GATB: variants seen among roughly 807,000 people sequenced by gnomAD.
GATB encodes glutamyl-tRNA(Gln) amidotransferase subunit B, mitochondrial.
A neutral mutation model predicts 62.3 loss-of-function variants in GATB; 39 were observed. That is an observed-to-expected ratio of 0.63 (90% CI 0.48 to 0.82). The LOEUF (loss-of-function observed/expected upper bound fraction) is 0.82, where lower values mean the gene tolerates loss of function less well. GATB is among the 40% of genes least tolerant of loss of function. The pLI is 0.00. For missense variants in GATB, 670 were observed against 684.0 expected, an observed-to-expected ratio of 0.98 and a Z score of 0.23; for synonymous variants, 276 against 258.9, an observed-to-expected ratio of 1.07 and a Z score of -0.63.
chr4:151,708,642 C>A (rs933676253), intron 5 of GATB, among the ~76,000 whole-genome samples: 2 of 152,178 alleles, frequency 1.3e-5, no homozygotes, highest in Admixed American at 1.3e-4. Flanking sequence ...GGCTTTCCCC[C>A]CTCCTCCTTC....
chr4:151,674,896 T>A (rs1737963267), intron 11 of GATB: 1 of 152,224 alleles, frequency 6.6e-6, no homozygotes, highest in Non-Finnish European at 1.5e-5. Context: ...ACGAGCAGCC[T>A]GTGCCTGGAA....
In GATB at chr4:151,716,949, C is replaced by G; in HGVS notation, c.567G>C (p.Gln189His). The G allele has an allele frequency of 6.2e-7, 1 of 1,614,188 alleles. No homozygotes were observed. Among genetic ancestry groups the G allele is most frequent in the Non-Finnish European group, 8.5e-7 (1 of 1,180,030 alleles). The stretch of plus-strand genomic sequence containing the variant: ...GGCTTTTGCCACTGTCTTGCTCCAA[C>G]TGGATCTGCTTGATCCTCACCGTCT... Reference protein sequence around the residue: ...IPKTVRIKQIQLEQDSGKSLH... With the variant: ...IPKTVRIKQIHLEQDSGKSLH... Residue 189 changes from glutamine to histidine, a missense_variant, in exon 4 of 13, where the codon CAG becomes CAC. Physicochemically the swap from Gln to His is conservative, Grantham distance 24 (BLOSUM62 0). Transcript: ENST00000263985.
At chr4:151,676,240 T>C (rs1040101296) in intron 11 of GATB, 3 of 152,268 alleles carry the variant, frequency 2.0e-5, no homozygotes, top group Non-Finnish European at 2.9e-5. Context: ...GTGCATGATA[T>C]ATAACATTTT....
rs1230232722 is a variant in GATB at position 151,730,189 on chromosome 4, G to A, written c.328-10651C>T. 1.3e-5 allele frequency among the ~76,000 whole-genome samples: 2 copies of A among 152,130 alleles called. No homozygotes were observed. Among genetic ancestry groups the A allele is most frequent in the African/African-American group, 4.8e-5 (2 of 41,408 alleles). Reference sequence around the variant, plus strand: ...CCCTGACAACCCGCATGACTCAGCAGAGGCAGCCATAAATCCTCCTAGGCA... The same window carrying A: ...CCCTGACAACCCGCATGACTCAGCAAAGGCAGCCATAAATCCTCCTAGGCA... On this transcript the variant is annotated intron_variant, in intron 2 of 12. Coordinates refer to ENST00000263985, the MANE Select transcript of GATB (RefSeq NM_004564.3). The surrounding 1 kb of genome is among the most constrained non-coding windows in gnomAD (Gnocchi z 4.1).
chr4:151,722,094 C>A (rs2126980873), intron 2 of GATB: 1 of 661,206 alleles, frequency 1.5e-6, no homozygotes, highest in Admixed American at 2.4e-5. Context: ...TAGAAGAATG[C>A]CAAGAAAAAA....
chr4:151,752,592 C>T (rs778354345), intron 2 of GATB, among the ~76,000 whole-genome samples: 3 of 152,144 alleles, frequency 2.0e-5, no homozygotes, highest in South Asian at 4.2e-4. Flanking sequence ...TCTAAGAGCT[C>T]GTTTTTATCC....
intron 1 of GATB, among the ~76,000 whole-genome samples, chr4:151,760,004 A>G (rs1179261538): frequency 6.6e-6 from 1 of 152,226 alleles, no homozygotes; most frequent in Non-Finnish European, 1.5e-5. Context: ...CCATTACATG[A>G]GAGAAAAAAT....
At chr4:151,672,917 A>G in intron 11 of GATB, 21 bp from the exon 12 acceptor site, 1 of 1,612,948 alleles carries the variant, frequency 6.2e-7, no homozygotes. Context: ...GAGAAGGGAG[A>G]GGAAAGAGAA....
chr4:151,713,164 T>C (rs997502597), intron 5 of GATB, among the ~76,000 whole-genome samples: 1 of 152,102 alleles, frequency 6.6e-6, no homozygotes, highest in Admixed American at 6.6e-5. Flanking sequence ...CACCCCCAGA[T>C]GGGACCATCT....
chr4:151,730,093 G>A lies in GATB; in HGVS notation c.328-10555C>T, dbSNP rs962994618. On this transcript the variant is annotated intron_variant, in intron 2 of 12. Coordinates refer to ENST00000263985, the MANE Select transcript of GATB (RefSeq NM_004564.3). The surrounding 1 kb of genome is among the most constrained non-coding windows in gnomAD (Gnocchi z 4.1). Reference sequence around the variant, plus strand: ...CCTGGAAACAGACTCGGGGTGTGGTGGGAGTGAGACTGGCCCTTTGGTTTG... The same window carrying A: ...CCTGGAAACAGACTCGGGGTGTGGTAGGAGTGAGACTGGCCCTTTGGTTTG... 6.6e-6 allele frequency among the ~76,000 whole-genome samples: 1 copy of A among 152,174 alleles called. No homozygotes were observed. The highest frequency in any genetic ancestry group is 6.5e-5 in the Admixed American group (1 of 15,270).
chr4:151,726,382 T>C (rs1245107951), intron 2 of GATB, among the ~76,000 whole-genome samples: 1 of 152,220 alleles, frequency 6.6e-6, no homozygotes, highest in Non-Finnish European at 1.5e-5. Context: ...ACAAAACCTC[T>C]TGTGCTATAA....
rs146281708 is a variant in GATB, at chr4:151,672,198, C to T, written c.1545+564G>A. 5.9e-4 allele frequency among the ~76,000 whole-genome samples: 90 copies of T among 152,288 alleles called. 1 individual carries two copies. The East Asian group carries it at 0.014, about 24-fold the overall frequency. On this transcript the variant is annotated intron_variant, in intron 12 of 12. Transcript: ENST00000263985. Reference sequence around the variant, plus strand: ...TAGACTTGGGGAGGGAGGGATGCCACTCGTTTTAGCTTTTATGTCTTGTGC... The same window carrying T: ...TAGACTTGGGGAGGGAGGGATGCCATTCGTTTTAGCTTTTATGTCTTGTGC...
intron 6 of GATB, 86 bp downstream of exon 6, chr4:151,707,901 TA>T: frequency 1.2e-6 from 1 of 849,536 alleles, no homozygotes. Flanking sequence ...AGTTCTTGTG[TA>T]AGCCACTAAG....
intron 10 of GATB, among the ~76,000 whole-genome samples, chr4:151,683,234 C>G (rs1393719775): frequency 6.6e-6 from 1 of 152,156 alleles, no homozygotes; most frequent in African/African-American, 2.4e-5. Context: ...TACTACCTAC[C>G]CTGTGTAAGC....
chr4:151,681,803 C>T lies in GATB; in HGVS notation c.1332-1912G>A, dbSNP rs771964173. On this transcript the variant is annotated intron_variant, in intron 10 of 12. Coordinates refer to ENST00000263985, the MANE Select transcript of GATB (RefSeq NM_004564.3). The stretch of plus-strand genomic sequence containing the variant: ...TCCATGTCTAGTGAGGGTCCACTTT[C>T]TCACTGGTGGCACCTTCTTGCTGTG... Among the ~76,000 whole-genome samples the T allele has an allele frequency of 2.6e-5, 4 of 152,198 alleles. 1 individual carries two copies. Among genetic ancestry groups the T allele is most frequent in the Non-Finnish European group, 5.9e-5 (4 of 68,034 alleles).
chr4:151,749,195 A>T (rs1326945609), intron 2 of GATB, among the ~76,000 whole-genome samples: 1 of 152,232 alleles, frequency 6.6e-6, no homozygotes, highest in Non-Finnish European at 1.5e-5. Context: ...ATGCTGCTAT[A>T]AAGACACATG....
chr4:151,757,668 G>A (rs1000734992), intron 2 of GATB, among the ~76,000 whole-genome samples: 11 of 152,086 alleles, frequency 7.2e-5, no homozygotes, highest in East Asian at 5.8e-4. Flanking sequence ...TAGTAGAGAT[G>A]GGGTTTCACC....
intron 2 of GATB, among the ~76,000 whole-genome samples, chr4:151,727,527 G>A (rs529551956): frequency 6.6e-6 from 1 of 152,280 alleles, no homozygotes; most frequent in Admixed American, 6.5e-5. Context: ...AGATTAACTG[G>A]TCTCTATTCC....
chr4:151,672,112 T>G (rs1737882413), intron 12 of GATB, among the ~76,000 whole-genome samples: 1 of 152,138 alleles, frequency 6.6e-6, no homozygotes, highest in Non-Finnish European at 1.5e-5. Context: ...GTGGGTATTA[T>G]TCTGAAAAAG....
Sources: allele counts gnomAD v4.1 joint callset (sites outside exome capture counted in the v4.1 genomes callset), GRCh38; gene constraint gnomAD v4.1.1; non-coding constraint Gnocchi (gnomAD v3.1); transcripts MANE v1.5; gene names NCBI Gene and HGNC (gene_info 2026-07-23, HGNC 2026-07-21).